Variants in TRMU observed in about 807,000 individuals in gnomAD.
TRMU encodes mitochondrial tRNA-specific 2-thiouridylase 1.
A neutral mutation model predicts 46.9 loss-of-function variants in TRMU; 49 were observed. The ratio of observed to expected loss-of-function variants is 1.05; its 90% confidence interval spans 0.83 to 1.33. The LOEUF is 1.33. TRMU is among the 40% of genes most tolerant of loss of function. The probability of loss-of-function intolerance (pLI) is 0.00; values close to 1 mark genes in which losing one functional copy is unlikely to be tolerated. For synonymous variants in TRMU, 241 were observed against 200.9 expected, an observed-to-expected ratio of 1.20 and a Z score of -1.69; for missense variants, 572 against 532.4, an observed-to-expected ratio of 1.07 and a Z score of -0.73.
At chr22:46,340,011 G>A (rs1051187713) in intron 2 of TRMU, among the ~76,000 whole-genome samples, 6 of 152,196 alleles carry the variant, frequency 3.9e-5, no homozygotes, top group Non-Finnish European at 8.8e-5. Flanking sequence ...GTCTCAGGAA[G>A]TGCTGTTGCT....
rs2078419941 is a variant in TRMU, at chr22:46,351,430, C to T, written c.652-691C>T. 6.6e-6 allele frequency among the ~76,000 whole-genome samples: 1 copy of T among 152,106 alleles called. No individual in the cohort carries two copies. Among genetic ancestry groups the T allele is most frequent in the Non-Finnish European group, 1.5e-5 (1 of 68,018 alleles). On this transcript the variant is annotated intron_variant, in intron 5 of 10. Transcript: ENST00000645190. This position sits in a 1 kb window ranked among gnomAD's most constrained non-coding sequence, Gnocchi z 6.4. ...GGATGAGCCTCACCTCTTCAGGGGC[C>T]AGTGCGGTGGGAGCTGTTGCTCCTT...
rs765849732 is a variant in TRMU at position 46,342,862 on chromosome 22, G to A, written c.249-400G>A. Reference sequence around the variant, plus strand: ...AATCACAGCTATTCGGAAGGCTGAGGTGGGAGAATCTGCAAGGGAAGTCTA... The same window carrying A: ...AATCACAGCTATTCGGAAGGCTGAGATGGGAGAATCTGCAAGGGAAGTCTA... On this transcript the variant is annotated intron_variant, in intron 2 of 10. Coordinates refer to ENST00000645190, the MANE Select transcript of TRMU (RefSeq NM_018006.5). This position sits in a 1 kb window ranked among gnomAD's most constrained non-coding sequence, Gnocchi z 4.7. 6.6e-6 allele frequency among the ~76,000 whole-genome samples: 1 copy of A among 152,290 alleles called. No homozygotes were observed. Among genetic ancestry groups the A allele is most frequent in the Admixed American group, 6.5e-5 (1 of 15,292 alleles).
At position 46,348,464 on chromosome 22, in the gene TRMU, A is replaced by G. The variant is rs12159877; in HGVS notation, c.479-1827A>G. Among the ~76,000 whole-genome samples, 7,673 of 152,254 alleles carry G rather than the reference A, an allele frequency of 0.05. 654 individuals are homozygous for G. The highest frequency in any genetic ancestry group is 0.17 in the African/African-American group (7,244 of 41,528). ...CCTGGCCCAGCCTGGGTCTCTGGGT[A>G]GAGCACCTGCAGGGGCAGTGGACGG... On this transcript the variant is annotated intron_variant, in intron 4 of 10. Coordinates refer to ENST00000645190, the MANE Select transcript of TRMU (RefSeq NM_018006.5). This position sits in a 1 kb window ranked among gnomAD's most constrained non-coding sequence, Gnocchi z 4.8.
At chr22:46,341,306 CACAG>C (rs2078116672) in intron 2 of TRMU, among the ~76,000 whole-genome samples, 1 of 152,222 alleles carries the variant, frequency 6.6e-6, no homozygotes, top group Non-Finnish European at 1.5e-5. Context: ...GGGTCTAGGA[CACAG>C]ACACAGATTG....
At chr22:46,352,573 C>G in intron 7 of TRMU, 1 of 596,164 alleles carries the variant, frequency 1.7e-6, no homozygotes, top group South Asian at 1.9e-5. Flanking sequence ...GCGCCTCTGA[C>G]TTGGAAGGAC....
chr22:46,352,601 G>A (rs566365455), intron 7 of TRMU: 7 of 551,888 alleles, frequency 1.3e-5, no homozygotes, highest in East Asian at 1.2e-4. Context: ...TGTGAGTTAC[G>A]TATCAAGTCC....
chr22:46,352,392 G>C, intron 7 of TRMU, 62 bp downstream of exon 7: 1 of 1,576,754 alleles, frequency 6.3e-7, no homozygotes, highest in Non-Finnish European at 8.7e-7. Context: ...TTTCAGCTCT[G>C]GGAGACTAGA....
chr22:46,355,325 C>T lies in TRMU; in HGVS notation c.874-119C>T, dbSNP rs568428494. The T allele has an allele frequency of 1.7e-5, 24 of 1,450,058 alleles. 1 individual carries two copies. The East Asian group carries it at 3.2e-4, about 19-fold the overall frequency. The allele number at this position is 1,450,058 out of a possible 1,614,324, so 89.8% of individuals were successfully genotyped here. A position where few individuals can be genotyped will look rare whatever the true frequency, so the allele number is the denominator to read the frequency against. On this transcript the variant is annotated intron_variant, in intron 8 of 10. Transcript: ENST00000645190. ...GTGGGTAGAACACTTCGAGCGGTGC[C>T]AGCACCGTTACCTGTGTGTGTGTGT...
At chr22:46,356,171 G>A (rs1602000234) in intron 10 of TRMU, 99 bp downstream of exon 10, 1 of 1,345,748 alleles carries the variant, frequency 7.4e-7, no homozygotes, top group East Asian at 2.4e-5. Flanking sequence ...CCCAGGAGTA[G>A]GGTGTGCTCG....
rs1336501844 is a variant in TRMU, at chr22:46,353,534, CT to C, written c.773-231del. On this transcript the variant is annotated intron_variant, in intron 7 of 10. Transcript: ENST00000645190. The stretch of plus-strand genomic sequence containing the variant: ...CTGCACCTTCTGGGGCACAAGGTGC[CT>C]TCTTTGTGGCCACCACACCCCATGT... 3 of 459,804 alleles carry C rather than the reference CT, an allele frequency of 6.5e-6. No homozygotes were observed. The East Asian group carries it at 1.3e-4, about 20-fold the overall frequency. 28.5% of individuals were successfully genotyped at this position (459,804 alleles called of 1,614,324 possible).
rs116869671 is a variant in TRMU at position 46,353,474 on chromosome 22, C to T, written c.773-293C>T. The T allele has an allele frequency of 3.7e-4, 144 of 384,318 alleles. No homozygotes were observed. The East Asian group carries it at 3.8e-3, about 10-fold the overall frequency. 23.8% of individuals were successfully genotyped at this position (384,318 alleles called of 1,614,324 possible). A position where few individuals can be genotyped will look rare whatever the true frequency, so the allele number is the denominator to read the frequency against. On this transcript the variant is annotated intron_variant, in intron 7 of 10. Coordinates refer to ENST00000645190, the MANE Select transcript of TRMU (RefSeq NM_018006.5). ...GTCACACAGGGCACCCAGCCGCATC[C>T]TGGGCCTAGGGTCAGGGGCTCCTAC...
At position 46,343,387 on chromosome 22, in the gene TRMU, A is replaced by G. The variant is rs201104458; in HGVS notation, c.355+19A>G. ...AATCTTGGTAAGTAATTTGGGTTTA[A>G]AACATTTTTTTTTTTAAAGACAGGG... On this transcript the variant is annotated intron_variant, in intron 3 of 10. Transcript: ENST00000645190. The G allele has an allele frequency of 1.0e-4, 163 of 1,598,002 alleles. No homozygotes were observed. The African/African-American group carries it at 1.9e-3, about 19-fold the overall frequency.
Position 46,339,880 on chromosome 22 carries a change from A to T in TRMU, c.248+1936A>T, listed in dbSNP as rs1911944317. Among the ~76,000 whole-genome samples the T allele has an allele frequency of 1.3e-5, 2 of 152,064 alleles. No homozygotes were observed. The highest frequency in any genetic ancestry group is 4.8e-5 in the African/African-American group (2 of 41,402). On this transcript the variant is annotated intron_variant, in intron 2 of 10. Transcript: ENST00000645190. This position sits in a 1 kb window ranked among gnomAD's most constrained non-coding sequence, Gnocchi z 4.8. The stretch of plus-strand genomic sequence containing the variant: ...TGCATGATAAATGCATTAAAAACTT[A>T]TCTGTAGAATGCATGATAAATGCAT...
At position 46,350,505 on chromosome 22, in the gene TRMU, T is replaced by C; in HGVS notation, c.651+42T>C. 1 of 1,610,792 alleles carries C rather than the reference T, an allele frequency of 6.2e-7. No homozygotes were observed. The highest frequency in any genetic ancestry group is 8.5e-7 in the Non-Finnish European group (1 of 1,178,524). On this transcript the variant is annotated intron_variant, in intron 5 of 10. Transcript: ENST00000645190. This position sits in a 1 kb window ranked among gnomAD's most constrained non-coding sequence, Gnocchi z 4.6. Reference sequence around the variant, plus strand: ...GCCTTTGATTAGTGCCTGTTTCCCTTTCCCGACTGCATGGCACGGAGCAGC... The same window carrying C: ...GCCTTTGATTAGTGCCTGTTTCCCTCTCCCGACTGCATGGCACGGAGCAGC...
At position 46,350,482 on chromosome 22, in the gene TRMU, C is replaced by T. The variant is rs1338494576; in HGVS notation, c.651+19C>T. On this transcript the variant is annotated intron_variant, in intron 5 of 10. Transcript: ENST00000645190. This position sits in a 1 kb window ranked among gnomAD's most constrained non-coding sequence, Gnocchi z 4.6. ...GAAAGAGGTACGAGTGAGCAGTTGC[C>T]TTTGATTAGTGCCTGTTTCCCTTTC... 1.5e-5 allele frequency: 24 copies of T among 1,612,772 alleles called. No individual in the cohort carries two copies. Among genetic ancestry groups the T allele is most frequent in the South Asian group, 1.1e-5 (1 of 91,026 alleles).
At chr22:46,337,268 T>C (rs1005226039) in intron 1 of TRMU, among the ~76,000 whole-genome samples, 1 of 152,202 alleles carries the variant, frequency 6.6e-6, no homozygotes, top group African/African-American at 2.4e-5. Flanking sequence ...AGTTGGCCTT[T>C]CCAATATTTG....
rs2078417465 is a variant in TRMU, at chr22:46,351,350, G to C, written c.652-771G>C. ...AAAGAGAGAACCCGGAGTGTTGGCG[G>C]AACTAGGATGAAGCCCGTGGGAGGG... On this transcript the variant is annotated intron_variant, in intron 5 of 10. Transcript: ENST00000645190. This position sits in a 1 kb window ranked among gnomAD's most constrained non-coding sequence, Gnocchi z 6.4. Among the ~76,000 whole-genome samples, 1 of 152,178 alleles carries C rather than the reference G, an allele frequency of 6.6e-6. No homozygotes were observed.
rs151165174 is a variant in TRMU at position 46,337,915 on chromosome 22, C to T, written c.219C>T (p.Tyr73=). 1.5e-5 allele frequency: 25 copies of T among 1,614,164 alleles called. No homozygotes were observed. Among genetic ancestry groups the T allele is most frequent in the East Asian group, 6.7e-5 (3 of 44,888 alleles). ...ACATCCCTTTCCATCAAGTGTCCTA[C>T]GTAAAGGAGTATTGGAATGATGTGT... is the stretch of plus-strand genomic sequence containing the variant. ...ILDIPFHQVS[Y]VKEYWNDVFS... is the part of the protein sequence containing the mutation. The change falls in exon 2 of 11, where the codon TAC becomes TAT. Residue 73 remains tyrosine (Y), a synonymous_variant. Transcript: ENST00000645190.
chr22:46,352,201 G>A, intron 6 of TRMU, 27 bp downstream of exon 6: 1 of 1,614,218 alleles, frequency 6.2e-7, no homozygotes, highest in Non-Finnish European at 8.5e-7. Flanking sequence ...GACACAAAGA[G>A]ATGGGGCTGC....
Sources: gnomAD v4.1 joint callset for allele counts (sites outside exome capture counted in the v4.1 genomes callset) on GRCh38, gnomAD v4.1.1 for gene constraint, Gnocchi (gnomAD v3.1) non-coding constraint, MANE v1.5 for transcripts, NCBI Gene and HGNC (gene_info 2026-07-23, HGNC 2026-07-21) for gene names.